Variants in NR6A1 observed in about 807,000 individuals in gnomAD.
NR6A1 encodes the protein retinoic acid receptor-related testis-associated receptor.
NR6A1 carries 7 observed loss-of-function variants against 59.1 expected under a neutral mutation model. The ratio of observed to expected loss-of-function variants is 0.12; its 90% CI spans 0.07 to 0.22. The LOEUF (loss-of-function observed/expected upper bound fraction) is 0.22, where lower values mean the gene tolerates loss of function less well. Ranked by LOEUF, NR6A1 falls within the 10% of genes least tolerant of loss-of-function variation. NR6A1 has a pLI of 1.00. For synonymous variants in NR6A1, 243 were observed against 236.1 expected, an observed-to-expected ratio of 1.03 and a Z score of -0.27; for missense variants, 468 against 611.6, an observed-to-expected ratio of 0.77 and a Z score of 2.48.
intron 3 of NR6A1, among the ~76,000 whole-genome samples, chr9:124,545,143 A>C (rs1833561796): frequency 6.6e-6 from 1 of 152,246 alleles, no homozygotes; most frequent in South Asian, 2.1e-4. Context: ...GTTAGGGTCC[A>C]AATCCTGTTT....
chr9:124,680,086 A>G (rs1016516229), intron 2 of NR6A1, among the ~76,000 whole-genome samples: 4 of 137,672 alleles, frequency 2.9e-5, no homozygotes, highest in African/African-American at 1.4e-4. Flanking sequence ...GTCTGTGTGT[A>G]TGTATGTGTG....
At chr9:124,635,461 G>A (rs1471172891) in intron 2 of NR6A1, among the ~76,000 whole-genome samples, 1 of 152,162 alleles carries the variant, frequency 6.6e-6, no homozygotes, top group African/African-American at 2.4e-5. Flanking sequence ...CATTCATTCT[G>A]TCTCCTGCCC....
At chr9:124,739,134 G>A (rs954593427) in intron 1 of NR6A1, among the ~76,000 whole-genome samples, 23 of 150,172 alleles carry the variant, frequency 1.5e-4, no homozygotes, top group Middle Eastern at 3.2e-3. Context: ...GTTGCAGTGA[G>A]CCCAGATCAC....
chr9:124,713,399 G>A (rs867598775), intron 2 of NR6A1, among the ~76,000 whole-genome samples: 17 of 152,054 alleles, frequency 1.1e-4, no homozygotes, highest in Middle Eastern at 6.8e-3. Flanking sequence ...AAAACTGCTC[G>A]ATAACATGAA....
intron 7 of NR6A1, 56 bp downstream of exon 7, chr9:124,535,821 AC>A: frequency 1.3e-6 from 2 of 1,598,606 alleles, no homozygotes; most frequent in South Asian, 2.3e-5. Flanking sequence ...ACTCTGCCTT[AC>A]AGGGATGACA....
intron 1 of NR6A1, among the ~76,000 whole-genome samples, chr9:124,763,172 A>G (rs1374289297): frequency 1.3e-5 from 2 of 152,244 alleles, no homozygotes; most frequent in Admixed American, 6.5e-5. Flanking sequence ...GTCACACAGA[A>G]TATCAAAAGT....
chr9:124,735,740 C>T (rs961196559), intron 1 of NR6A1, among the ~76,000 whole-genome samples: 2 of 152,148 alleles, frequency 1.3e-5, no homozygotes, highest in African/African-American at 4.8e-5. Context: ...AATAAAATAT[C>T]ATAAAGTAAG....
intron 3 of NR6A1, among the ~76,000 whole-genome samples, chr9:124,551,977 C>G (rs1240549874): frequency 6.6e-6 from 1 of 152,230 alleles, no homozygotes; most frequent in African/African-American, 2.4e-5. Flanking sequence ...TCTGCCTGCT[C>G]TGCATGCAAA....
At position 124,723,381 on chromosome 9, in the gene NR6A1, G is replaced by A. The variant is rs918368975; in HGVS notation, c.142+9927C>T. On this transcript the variant is annotated intron_variant, in intron 2 of 9. Coordinates refer to ENST00000487099, the MANE Select transcript of NR6A1 (RefSeq NM_033334.4). ...GGGAGGTTACCTGCTATTGGCTGGG[G>A]AAGAGGACCAAAACACCCTAACAGT... 3.9e-4 allele frequency among the ~76,000 whole-genome samples: 60 copies of A among 152,296 alleles called. 1 individual carries two copies. The highest frequency in any genetic ancestry group is 1.4e-3 in the African/African-American group (59 of 41,564).
chr9:124,738,417 G>A (rs1165213298), intron 1 of NR6A1, among the ~76,000 whole-genome samples: 1 of 152,158 alleles, frequency 6.6e-6, no homozygotes, highest in Non-Finnish European at 1.5e-5. Flanking sequence ...TTTGTATGGT[G>A]ACTTAAATTG....
At chr9:124,641,699 A>T (rs1836771281) in intron 2 of NR6A1, among the ~76,000 whole-genome samples, 1 of 152,184 alleles carries the variant, frequency 6.6e-6, no homozygotes, top group Non-Finnish European at 1.5e-5. Context: ...AAAAAGAGAG[A>T]GGGGAGAGCT....
intron 2 of NR6A1, among the ~76,000 whole-genome samples, chr9:124,664,628 G>C (rs979138269): frequency 6.6e-6 from 1 of 152,180 alleles, no homozygotes; most frequent in Non-Finnish European, 1.5e-5. Flanking sequence ...ATGGATGAAT[G>C]AATGATTCTG....
chr9:124,622,379 G>A (rs1836103444), intron 2 of NR6A1, among the ~76,000 whole-genome samples: 1 of 152,314 alleles, frequency 6.6e-6, no homozygotes. Flanking sequence ...CCGTTTTCCA[G>A]ATGGAAAACT....
chr9:124,530,244 C>A (rs1355334937), intron 7 of NR6A1, among the ~76,000 whole-genome samples: 1 of 152,180 alleles, frequency 6.6e-6, no homozygotes, highest in Non-Finnish European at 1.5e-5. Flanking sequence ...ATTCCTCCAA[C>A]AGGCAGCCAC....
At chr9:124,598,614 AAAAC>A (rs1835347365) in intron 2 of NR6A1, 1 of 339,088 alleles carries the variant, frequency 2.9e-6, no homozygotes, top group Non-Finnish European at 5.6e-6. Context: ...AAATCAAATA[AAAAC>A]AAACCAAAAA....
chr9:124,764,370 TC>T (rs1818526129), intron 1 of NR6A1, among the ~76,000 whole-genome samples: 1 of 152,160 alleles, frequency 6.6e-6, no homozygotes. Flanking sequence ...TCTCTTTTTT[TC>T]ATCAGTGTTT....
At chr9:124,649,940 G>A (rs1837049203) in intron 2 of NR6A1, among the ~76,000 whole-genome samples, 1 of 152,040 alleles carries the variant, frequency 6.6e-6, no homozygotes, top group Admixed American at 6.6e-5. Context: ...AAAAAGACTG[G>A]TGCTGGTGAG....
At chr9:124,608,796 C>T (rs1215701246) in intron 2 of NR6A1, among the ~76,000 whole-genome samples, 1 of 152,188 alleles carries the variant, frequency 6.6e-6, no homozygotes. Context: ...TGCAGCCTCA[C>T]CAGCATATGT....
intron 1 of NR6A1, among the ~76,000 whole-genome samples, chr9:124,751,445 C>G (rs1191344961): frequency 2.6e-5 from 4 of 152,190 alleles, no homozygotes; most frequent in East Asian, 1.9e-4. Context: ...ATTCGAAACT[C>G]CTGGCTGGAA....
Sources: gnomAD v4.1 joint callset for allele counts (sites outside exome capture counted in the v4.1 genomes callset) on GRCh38, gnomAD v4.1.1 for gene constraint, MANE v1.5 for transcripts, NCBI Gene and HGNC (gene_info 2026-07-23, HGNC 2026-07-21) for gene names.